CAMTA1: variants seen among roughly 807,000 people sequenced by gnomAD.
CAMTA1 encodes calmodulin-binding transcription activator 1.
In CAMTA1, 27 loss-of-function variants were observed where a neutral mutation model predicts 170.9. That is an observed-to-expected ratio of 0.16 (90% CI 0.12 to 0.22). The LOEUF (loss-of-function observed/expected upper bound fraction) is 0.22, where lower values mean the gene tolerates loss of function less well. CAMTA1 is among the 10% of genes least tolerant of loss of function. The pLI is 1.00. For missense variants in CAMTA1, 1,619 were observed against 2,217.2 expected (o/e 0.73, Z 5.42); for synonymous variants, 833 against 891.5 (o/e 0.93, Z 1.17).
intron 5 of CAMTA1, among the ~76,000 whole-genome samples, chr1:7,361,004 C>T (rs558695305): frequency 5.9e-5 from 9 of 151,588 alleles, no homozygotes; most frequent in South Asian, 2.1e-4. Flanking sequence ...CCCTGGAAAA[C>T]GGGGCTGTGG....
At position 7,709,963 on chromosome 1, in the gene CAMTA1, G is replaced by C. The variant is rs904526094; in HGVS notation, c.2915-22485G>C. ...TTTCTGTGGACCACAGTTTAAAAAA[G>C]TTGAAAGCCACTAGACTGGATATTT... On this transcript the variant is annotated intron_variant, in intron 11 of 22. Transcript: ENST00000303635. 3.9e-5 allele frequency among the ~76,000 whole-genome samples: 6 copies of C among 152,190 alleles called. No homozygotes were observed. The South Asian group carries it at 1.2e-3, about 32-fold the overall frequency.
chr1:7,108,315 T>C (rs1018581068), intron 4 of CAMTA1, among the ~76,000 whole-genome samples: 20 of 152,136 alleles, frequency 1.3e-4, no homozygotes, highest in African/African-American at 4.8e-4. Flanking sequence ...TGATAGTACA[T>C]ATTGTTGTGA....
At chr1:6,954,692 C>T (rs974441807) in intron 3 of CAMTA1, among the ~76,000 whole-genome samples, 1 of 152,182 alleles carries the variant, frequency 6.6e-6, no homozygotes, top group African/African-American at 2.4e-5. Context: ...GGAGCCCGAC[C>T]CTTAAGACTA....
At chr1:6,904,106 T>C (rs1677736277) in intron 3 of CAMTA1, among the ~76,000 whole-genome samples, 1 of 152,214 alleles carries the variant, frequency 6.6e-6, no homozygotes, top group African/African-American at 2.4e-5. Context: ...CCTGGTACTA[T>C]TTTCTCTCTC....
intron 3 of CAMTA1, among the ~76,000 whole-genome samples, chr1:6,966,951 C>T (rs1290861001): frequency 6.8e-6 from 1 of 147,942 alleles, no homozygotes; most frequent in Non-Finnish European, 1.5e-5. Context: ...TGAAAAAATT[C>T]ATGGTTGAGA....
At chr1:7,427,106 G>T (rs542057170) in intron 5 of CAMTA1, among the ~76,000 whole-genome samples, 1 of 152,158 alleles carries the variant, frequency 6.6e-6, no homozygotes, top group Non-Finnish European at 1.5e-5. Context: ...CCTCCAGCAG[G>T]TGGGGGACAG....
rs35663101 is a variant in CAMTA1, at chr1:7,391,328, A to AGTGTGTGTGTGT, written c.439-76483_439-76472dup. ...GGATGTTTTATGCATCCCTTTACACAGTGTGTGTGTGTGTGTGTGTGTGTG... is the reference window on the plus strand; with the variant it reads ...GGATGTTTTATGCATCCCTTTACACAGTGTGTGTGTGTGTGTGTGTGTGTGTGTGTGTGTGTG... On this transcript the variant is annotated intron_variant, in intron 5 of 22. Coordinates refer to ENST00000303635, the MANE Select transcript of CAMTA1 (RefSeq NM_015215.4). Among the ~76,000 whole-genome samples the AGTGTGTGTGTGT allele has an allele frequency of 1.2e-3, 183 of 147,022 alleles. 1 individual carries two copies. Among genetic ancestry groups the AGTGTGTGTGTGT allele is most frequent in the African/African-American group, 4.0e-3 (160 of 39,626 alleles).
chr1:7,062,592 T>C (rs1708384025), intron 3 of CAMTA1, among the ~76,000 whole-genome samples: 1 of 151,810 alleles, frequency 6.6e-6, no homozygotes, highest in Non-Finnish European at 1.5e-5. Flanking sequence ...GCTAAGGAGC[T>C]GTGGGGTGGG....
At chr1:7,471,904 G>A (rs1021174437) in intron 6 of CAMTA1, among the ~76,000 whole-genome samples, 5 of 152,250 alleles carry the variant, frequency 3.3e-5, no homozygotes, top group Non-Finnish European at 5.9e-5. Flanking sequence ...TGCCCCCGCA[G>A]GGGACCAGGC....
chr1:7,738,295 C>T lies in CAMTA1; in HGVS notation c.3995C>T (p.Thr1332Ile). ...NSKDLYIGVSTVQVTGNPKGT... is the reference protein window; with the variant it reads ...NSKDLYIGVSIVQVTGNPKGT... ...AAAGATCTTTACATTGGTGTGTCTA[C>T]AGTACAGGTGACTGGAAATCCGAAG... The change falls in exon 16 of 23, where the codon ACA becomes ATA. Residue 1332 changes from threonine to isoleucine, a missense_variant. Coordinates refer to ENST00000303635, the MANE Select transcript of CAMTA1 (RefSeq NM_015215.4). The surrounding 1 kb of genome is among the most constrained non-coding windows in gnomAD (Gnocchi z 4.9). 6.2e-7 allele frequency: 1 copy of T among 1,614,152 alleles called. No individual in the cohort carries two copies. Among genetic ancestry groups the T allele is most frequent in the East Asian group, 2.2e-5 (1 of 44,886 alleles).
At chr1:6,893,057 G>A (rs1275556077) in intron 3 of CAMTA1, among the ~76,000 whole-genome samples, 3 of 151,992 alleles carry the variant, frequency 2.0e-5, no homozygotes, top group Non-Finnish European at 2.9e-5. Context: ...CGAGGCGGGC[G>A]GATCACGAGG....
chr1:7,173,203 T>G lies in CAMTA1; in HGVS notation c.303-76288T>G, dbSNP rs1257215684. Among the ~76,000 whole-genome samples, 1 of 152,192 alleles carries G rather than the reference T, an allele frequency of 6.6e-6. No homozygotes were observed. Among genetic ancestry groups the G allele is most frequent in the Non-Finnish European group, 1.5e-5 (1 of 68,028 alleles). On this transcript the variant is annotated intron_variant, in intron 4 of 22. Coordinates refer to ENST00000303635, the MANE Select transcript of CAMTA1 (RefSeq NM_015215.4). The surrounding 1 kb of genome is among the most constrained non-coding windows in gnomAD (Gnocchi z 5.4). ...ACTATGTCTATGTTTGCATCCCAGC[T>G]TTACAGCTTCCCAGTTCTCTGGCCT...
Position 7,093,570 on chromosome 1 carries a change from A to T in CAMTA1, c.302+2199A>T, listed in dbSNP as rs1413267614. 3.3e-5 allele frequency among the ~76,000 whole-genome samples: 5 copies of T among 152,208 alleles called. No individual in the cohort carries two copies. The highest frequency in any genetic ancestry group is 7.3e-5 in the Non-Finnish European group (5 of 68,042). ...GATACGCAGACCCGTGCTGGGTTTC[A>T]GCCACCCTTTGACGGCAGAACAGTA... On this transcript the variant is annotated intron_variant, in intron 4 of 22. Coordinates refer to ENST00000303635, the MANE Select transcript of CAMTA1 (RefSeq NM_015215.4). This position sits in a 1 kb window ranked among gnomAD's most constrained non-coding sequence, Gnocchi z 4.6.
chr1:7,001,706 G>A (rs187766713), intron 3 of CAMTA1, among the ~76,000 whole-genome samples: 5 of 152,256 alleles, frequency 3.3e-5, no homozygotes, highest in African/African-American at 1.2e-4. Flanking sequence ...CTTGTTTACA[G>A]CACTGATTTT....
intron 3 of CAMTA1, among the ~76,000 whole-genome samples, chr1:6,997,895 G>A (rs1697567624): frequency 6.6e-6 from 1 of 151,972 alleles, no homozygotes; most frequent in South Asian, 2.1e-4. Context: ...CTGACCTCAG[G>A]TGATCCGCCC....
intron 11 of CAMTA1, among the ~76,000 whole-genome samples, chr1:7,702,840 C>T (rs577194990): frequency 6.6e-6 from 1 of 152,288 alleles, no homozygotes; most frequent in South Asian, 2.1e-4. Flanking sequence ...CCTCCAGCCA[C>T]TCCTCCTCGC....
At chr1:7,186,661 G>T (rs1386298160) in intron 4 of CAMTA1, among the ~76,000 whole-genome samples, 1 of 152,070 alleles carries the variant, frequency 6.6e-6, no homozygotes, top group Non-Finnish European at 1.5e-5. Context: ...TGGGGGGAGG[G>T]TACATTTTCT....
At chr1:7,531,106 C>T (rs909589190) in intron 6 of CAMTA1, among the ~76,000 whole-genome samples, 4 of 147,512 alleles carry the variant, frequency 2.7e-5, no homozygotes, top group African/African-American at 9.9e-5. Context: ...CATGAGCCAC[C>T]GCGCCTGGCC....
Position 6,888,313 on chromosome 1 carries a change from T to C in CAMTA1, c.234+63103T>C. ...GAAAGTTTGGAAAGAAGCATAAAGC[T>C]TTTGTTGTGATTGAAGTAACTGGAA... On this transcript the variant is annotated intron_variant, in intron 3 of 22. Transcript: ENST00000303635. The C allele has an allele frequency of 4.3e-6, 4 of 940,078 alleles. No individual in the cohort carries two copies. The South Asian group carries it at 1.5e-4, about 35-fold the overall frequency. 58.2% of individuals were successfully genotyped at this position (940,078 alleles called of 1,614,324 possible). A position where few individuals can be genotyped will look rare whatever the true frequency, so the allele number is the denominator to read the frequency against.
Sources: allele counts gnomAD v4.1 joint callset (sites outside exome capture counted in the v4.1 genomes callset), GRCh38; gene constraint gnomAD v4.1.1; non-coding constraint Gnocchi (gnomAD v3.1); transcripts MANE v1.5; gene names NCBI Gene and HGNC (gene_info 2026-07-23, HGNC 2026-07-21).